The following KIAA1328 variants were observed in gnomAD, a reference collection of about 807,000 sequenced individuals.
KIAA1328 encodes protein hinderin.
A neutral mutation model predicts 68.1 loss-of-function variants in KIAA1328; 52 were observed. The ratio of observed to expected loss-of-function variants is 0.76; its 90% CI spans 0.61 to 0.96. The LOEUF (loss-of-function observed/expected upper bound fraction) is 0.96, where lower values mean the gene tolerates loss of function less well. Among genes scored for constraint, KIAA1328 ranks in the 40% least tolerant of loss-of-function variants. KIAA1328 has a pLI of 0.00. For missense variants in KIAA1328, 641 were observed against 677.6 expected, an observed-to-expected ratio of 0.95 and a Z score of 0.60; for synonymous variants, 232 against 239.4, an observed-to-expected ratio of 0.97 and a Z score of 0.28.
chr18:37,220,954 G>A (rs1184777280), intron 9 of KIAA1328, among the ~76,000 whole-genome samples: 3 of 152,162 alleles, frequency 2.0e-5, no homozygotes, highest in African/African-American at 2.4e-5. Context: ...AGCCTCCTGA[G>A]TAGCTGGGGC....
At chr18:37,054,646 C>A (rs935303205) in intron 6 of KIAA1328, among the ~76,000 whole-genome samples, 1 of 152,076 alleles carries the variant, frequency 6.6e-6, no homozygotes, top group Non-Finnish European at 1.5e-5. Flanking sequence ...AAACAGTAGA[C>A]ACTGGGGACT....
intron 7 of KIAA1328, among the ~76,000 whole-genome samples, chr18:37,114,443 G>T (rs2058041391): frequency 6.6e-6 from 1 of 152,188 alleles, no homozygotes. Flanking sequence ...CAGAAATAAA[G>T]CTATTCTTTG....
intron 5 of KIAA1328, among the ~76,000 whole-genome samples, chr18:36,938,314 C>T (rs1432801353): frequency 6.6e-6 from 1 of 151,892 alleles, no homozygotes; most frequent in Non-Finnish European, 1.5e-5. Flanking sequence ...CGAGGCAATA[C>T]CTTATTGTTA....
At chr18:36,892,487 G>A (rs1163061741) in intron 5 of KIAA1328, among the ~76,000 whole-genome samples, 1 of 152,068 alleles carries the variant, frequency 6.6e-6, no homozygotes, top group African/African-American at 2.4e-5. Flanking sequence ...TTTTGAATAA[G>A]TATTGGGTTT....
intron 6 of KIAA1328, among the ~76,000 whole-genome samples, chr18:37,016,425 C>T (rs181761125): frequency 3.3e-5 from 5 of 152,088 alleles, no homozygotes; most frequent in East Asian, 1.9e-4. Context: ...GACATTGGCC[C>T]GTAGTTTTTA....
chr18:36,915,893 G>T (rs2049677656), intron 5 of KIAA1328, among the ~76,000 whole-genome samples: 1 of 152,182 alleles, frequency 6.6e-6, no homozygotes, highest in Non-Finnish European at 1.5e-5. Context: ...GTATATAGCA[G>T]CACTATGCAT....
At chr18:37,164,379 A>G (rs2059343382) in intron 8 of KIAA1328, among the ~76,000 whole-genome samples, 2 of 152,194 alleles carry the variant, frequency 1.3e-5, no homozygotes, top group African/African-American at 2.4e-5. Context: ...AGCAAAATAT[A>G]TGTTTGTCTC....
chr18:37,045,056 T>C (rs1460183811), intron 6 of KIAA1328, among the ~76,000 whole-genome samples: 1 of 152,186 alleles, frequency 6.6e-6, no homozygotes, highest in Non-Finnish European at 1.5e-5. Flanking sequence ...ATTTGGAAGA[T>C]TGACCTGGGT....
intron 7 of KIAA1328, among the ~76,000 whole-genome samples, chr18:37,126,559 AAATTC>A (rs1425164862): frequency 6.6e-6 from 1 of 152,120 alleles, no homozygotes; most frequent in African/African-American, 2.4e-5. Context: ...CATATAATAA[AAATTC>A]TTGCAAAAAA....
At chr18:37,084,245 T>A (rs1318625647) in intron 7 of KIAA1328, 1 of 1,432,948 alleles carries the variant, frequency 7.0e-7, no homozygotes, top group South Asian at 1.4e-5. Context: ...AAACCTGAAG[T>A]CTCAGTTAAA....
chr18:36,984,211 C>T (rs551266177), intron 6 of KIAA1328, among the ~76,000 whole-genome samples: 9 of 152,156 alleles, frequency 5.9e-5, no homozygotes, highest in Admixed American at 2.0e-4. Context: ...CAAGGATATT[C>T]AGCCTTACCA....
At chr18:37,025,021 A>G (rs753142961) in intron 6 of KIAA1328, among the ~76,000 whole-genome samples, 1 of 152,140 alleles carries the variant, frequency 6.6e-6, no homozygotes, top group African/African-American at 2.4e-5. Context: ...CTATTTCTCC[A>G]TATCCTCTCC....
intron 6 of KIAA1328, among the ~76,000 whole-genome samples, chr18:37,059,913 A>AGCT (rs1218852406): frequency 1.3e-5 from 2 of 151,892 alleles, no homozygotes; most frequent in African/African-American, 4.8e-5. Context: ...GCTGGAAACC[A>AGCT]TCATTCTCAG....
intron 5 of KIAA1328, among the ~76,000 whole-genome samples, chr18:36,916,504 C>A (rs1241611815): frequency 6.6e-6 from 1 of 151,948 alleles, no homozygotes; most frequent in Admixed American, 6.6e-5. Flanking sequence ...ATTATAGTAG[C>A]TACTTTTAAT....
At chr18:37,125,948 AT>A (rs149495539) in intron 7 of KIAA1328, among the ~76,000 whole-genome samples, 2,023 of 151,404 alleles carry the variant, frequency 0.013, 38 homozygotes, top group African/African-American at 0.046. Flanking sequence ...GGTATGTCAT[AT>A]TTTTTTTACT....
intron 7 of KIAA1328, among the ~76,000 whole-genome samples, chr18:37,122,779 A>G (rs753406247): frequency 6.6e-6 from 1 of 152,084 alleles, no homozygotes; most frequent in Non-Finnish European, 1.5e-5. Context: ...TATAGGGCTG[A>G]TGGATAGTGA....
chr18:37,181,782 T>C (rs1446517872), intron 9 of KIAA1328, among the ~76,000 whole-genome samples: 1 of 152,182 alleles, frequency 6.6e-6, no homozygotes, highest in Non-Finnish European at 1.5e-5. Context: ...AAGACCTAAG[T>C]TCTGGGTGAG....
At chr18:36,975,722 C>A (rs539916317) in intron 6 of KIAA1328, among the ~76,000 whole-genome samples, 1 of 152,134 alleles carries the variant, frequency 6.6e-6, no homozygotes, top group Non-Finnish European at 1.5e-5. Context: ...GATTTTTTAA[C>A]TTTTATTATT....
At chr18:36,854,770 C>G (rs1201924177) in intron 4 of KIAA1328, among the ~76,000 whole-genome samples, 1 of 152,096 alleles carries the variant, frequency 6.6e-6, no homozygotes, top group Non-Finnish European at 1.5e-5. Context: ...AGTTTGAGAA[C>G]ATTTTCATCC....
Sources: gnomAD v4.1 joint callset for allele counts (sites outside exome capture counted in the v4.1 genomes callset) on GRCh38, gnomAD v4.1.1 for gene constraint, MANE v1.5 for transcripts, NCBI Gene and HGNC (gene_info 2026-07-23, HGNC 2026-07-21) for gene names.